PPP1R3E: variants seen among roughly 807,000 people sequenced by gnomAD.
The protein encoded by PPP1R3E is protein phosphatase 1 regulatory subunit 3E.
Under a neutral mutation model 18.5 loss-of-function variants are expected in PPP1R3E, and 20 were observed. The observed-to-expected ratio is 1.08, with a 90% confidence interval of 0.76 to 1.58. The LOEUF (loss-of-function observed/expected upper bound fraction) is 1.58. Among genes scored for constraint, PPP1R3E ranks in the 40% most tolerant of loss-of-function variants. The pLI, the probability that PPP1R3E is intolerant of heterozygous loss-of-function variation, is 0.00. For missense variants in PPP1R3E, 498 were observed against 460.2 expected (o/e 1.08, Z -0.75); for synonymous variants, 208 against 208.1 (o/e 1.00, Z 0.00).
rs1056973589 is a variant in PPP1R3E, at chr14:23,302,175, G to A, written c.402C>T (p.Arg134=). The part of the protein sequence containing the change: ...ALRHFAPCQP[R]ARGLQEARAA... ...CGCCGCCTACCTGGAGGCCGCGGGC[G>A]CGGGGCTGGCAGGGCGCGAAGTGGC... The change falls in exon 1 of 5, where the codon CGC becomes CGT. Residue 134 remains arginine (R), a synonymous_variant. Transcript: ENST00000452015. 10 of 1,415,168 alleles carry A rather than the reference G, an allele frequency of 7.1e-6. No individual in the cohort carries two copies. Among genetic ancestry groups the A allele is most frequent in the African/African-American group, 1.5e-5 (1 of 66,318 alleles). The allele number at this position is 1,415,168 out of a possible 1,614,324, so 87.7% of individuals were successfully genotyped here. A position where few individuals can be genotyped will look rare whatever the true frequency, so the allele number is the denominator to read the frequency against.
Position 23,298,573 on chromosome 14 carries a change from T to TGC in PPP1R3E, c.*729_*730dup, listed in dbSNP as rs987998101. The TGC allele has an allele frequency of 1.3e-5, 2 of 154,318 alleles. No homozygotes were observed. Among genetic ancestry groups the TGC allele is most frequent in the African/African-American group, 4.8e-5 (2 of 41,490 alleles). 9.6% of individuals were successfully genotyped at this position (154,318 alleles called of 1,614,324 possible). A position where few individuals can be genotyped will look rare whatever the true frequency, so the allele number is the denominator to read the frequency against. ...CTGGAAAGGAAGAAAAACCCAGATT[T>TGC]GCGCACACAAGTGTTAAGTAAATGT... On this transcript the variant is annotated 3_prime_UTR_variant, in exon 5 of 5. Transcript: ENST00000452015.
Position 23,297,816 on chromosome 14 carries a change from G to A in PPP1R3E, c.*1488C>T. 1 of 152,246 alleles carries A rather than the reference G, an allele frequency of 6.6e-6. No homozygotes were observed. The highest frequency in any genetic ancestry group is 1.9e-4 in the East Asian group (1 of 5,196). 9.4% of individuals were successfully genotyped at this position (152,246 alleles called of 1,614,324 possible). A position where few individuals can be genotyped will look rare whatever the true frequency, so the allele number is the denominator to read the frequency against. ...GTTGTTCTATAAAGCTGAGATTGGG[G>A]AGAGTGAGCCAGGGTACTTCTGAGA... On this transcript the variant is annotated 3_prime_UTR_variant, in exon 5 of 5. Transcript: ENST00000452015.
chr14:23,297,985 A>T lies in PPP1R3E; in HGVS notation c.*1319T>A, dbSNP rs1172012634. On this transcript the variant is annotated 3_prime_UTR_variant, in exon 5 of 5. Transcript: ENST00000452015. ...ACGGACCCAACCTAGTGGCGACATT[A>T]GGGGGTTTGCCTGTTCAAGGCCAGT... 6.6e-6 allele frequency: 1 copy of T among 152,158 alleles called. No homozygotes were observed. Among genetic ancestry groups the T allele is most frequent in the Non-Finnish European group, 1.5e-5 (1 of 68,088 alleles). 9.4% of individuals were successfully genotyped at this position (152,158 alleles called of 1,614,324 possible).
rs1395951550 is a variant in PPP1R3E, at chr14:23,302,358, C to T, written c.219G>A (p.Gly73=). 6.7e-7 allele frequency: 1 copy of T among 1,499,030 alleles called. No homozygotes were observed. The highest frequency in any genetic ancestry group is 1.2e-5 in the South Asian group (1 of 80,008). The allele number at this position is 1,499,030 out of a possible 1,614,324, so 92.9% of individuals were successfully genotyped here. Residue 73 remains glycine, a synonymous_variant, in exon 1 of 5, where the codon GGG becomes GGA. Transcript: ENST00000452015. ...RARSAPAGGG[G]ARAPRSRSPD... ...GGCTACGGCTGCGGGGCGCCCGGGC[C>T]CCGCCGCCTCCGGCTGGTGCAGATC...
Position 23,301,740 on chromosome 14 carries a change from C to A in PPP1R3E, c.536G>T (p.Arg179Leu). 2.8e-6 allele frequency: 4 copies of A among 1,413,358 alleles called. No individual in the cohort carries two copies. The South Asian group carries it at 4.4e-5, about 15-fold the overall frequency. 87.6% of individuals were successfully genotyped at this position (1,413,358 alleles called of 1,614,324 possible). A position where few individuals can be genotyped will look rare whatever the true frequency, so the allele number is the denominator to read the frequency against. The change falls in exon 2 of 5, where the codon CGC becomes CTC. Residue 179 changes from arginine to leucine, a missense_variant. Coordinates refer to ENST00000452015, the MANE Select transcript of PPP1R3E (RefSeq NM_001276318.2). Reference protein sequence around the residue: ...AGPLGVAGSARVVDLAYEKRV... With the variant: ...AGPLGVAGSALVVDLAYEKRV... Reference sequence around the variant, plus strand: ...CTTCTCGTAGGCCAGGTCCACCACGCGCGCGCTCCCGGCCACGCCCAGCGG... The same window carrying A: ...CTTCTCGTAGGCCAGGTCCACCACGAGCGCGCTCCCGGCCACGCCCAGCGG...
rs924710711 is a variant in PPP1R3E, at chr14:23,301,698, C to T, written c.578G>A (p.Trp193Ter). Residue 193 changes from tryptophan (W) to a stop codon, truncating the protein, a stop_gained, in exon 2 of 5, where the codon TGG becomes TAG. Transcript: ENST00000452015. LOFTEE classifies it high-confidence loss of function. The stretch of plus-strand genomic sequence containing the variant: ...TTGGCTCCGCCAGCCGTCGGCGCTC[C>T]AGCGCACGCTCACGCGCTTCTCGTA... ...LAYEKRVSVR[W>*]SADGWRSQRE... 5.1e-6 allele frequency: 7 copies of T among 1,363,356 alleles called. No individual in the cohort carries two copies. The Admixed American group carries it at 1.3e-4, about 25-fold the overall frequency. The allele number at this position is 1,363,356 out of a possible 1,614,324, so 84.5% of individuals were successfully genotyped here.
rs1886917671 is a variant in PPP1R3E at position 23,297,789 on chromosome 14, ATGT to A, written c.*1512_*1514del. The A allele has an allele frequency of 6.6e-6, 1 of 152,202 alleles. No individual in the cohort carries two copies. Among genetic ancestry groups the A allele is most frequent in the African/African-American group, 2.4e-5 (1 of 41,442 alleles). The allele number at this position is 152,202 out of a possible 1,614,324, so 9.4% of individuals were successfully genotyped here. ...TGATATGGGAATAATCAAGACCAAA[ATGT>A]TGTTCTATAAAGCTGAGATTGGGGA... On this transcript the variant is annotated 3_prime_UTR_variant, in exon 5 of 5. Transcript: ENST00000452015.
At chr14:23,302,062 G>T in intron 1 of PPP1R3E, 98 bp downstream of exon 1, 1 of 1,309,512 alleles carries the variant, frequency 7.6e-7, no homozygotes, top group Non-Finnish European at 9.9e-7. Context: ...GCCCAGGGAT[G>T]GGATGGAGAT....
At position 23,302,343 on chromosome 14, in the gene PPP1R3E, G is replaced by C; in HGVS notation, c.234C>G (p.Arg78=). The C allele has an allele frequency of 2.0e-6, 3 of 1,502,790 alleles. No individual in the cohort carries two copies. The highest frequency in any genetic ancestry group is 2.6e-6 in the Non-Finnish European group (3 of 1,135,554). 93.1% of individuals were successfully genotyped at this position (1,502,790 alleles called of 1,614,324 possible). A position where few individuals can be genotyped will look rare whatever the true frequency, so the allele number is the denominator to read the frequency against. ...TCTTGCGGGTGTCTGGGCTACGGCT[G>C]CGGGGCGCCCGGGCCCCGCCGCCTC... ...PAGGGGARAP[R]SRSPDTRKRV... The change falls in exon 1 of 5, where the codon CGC becomes CGG. Residue 78 remains arginine, a synonymous_variant. Coordinates refer to ENST00000452015, the MANE Select transcript of PPP1R3E (RefSeq NM_001276318.2).
Position 23,298,325 on chromosome 14 carries a change from AG to A in PPP1R3E, c.*978del, listed in dbSNP as rs949060173. Reference sequence around the variant, plus strand: ...AAGGTTTTAAATTTTGTTTTTAAAGAGGAAAAAAAATATAACATCATGGTTA... The same window carrying A: ...AAGGTTTTAAATTTTGTTTTTAAAGAGAAAAAAAATATAACATCATGGTTA... On this transcript the variant is annotated 3_prime_UTR_variant, in exon 5 of 5. Transcript: ENST00000452015. 6.6e-6 allele frequency: 1 copy of A among 152,220 alleles called. No individual in the cohort carries two copies. The highest frequency in any genetic ancestry group is 2.4e-5 in the African/African-American group (1 of 41,424). 9.4% of individuals were successfully genotyped at this position (152,220 alleles called of 1,614,324 possible).
Position 23,301,776 on chromosome 14 carries a change from G to A in PPP1R3E, c.500C>T (p.Ala167Val). The A allele has an allele frequency of 6.9e-7, 1 of 1,442,092 alleles. No individual in the cohort carries two copies. Among genetic ancestry groups the A allele is most frequent in the Non-Finnish European group, 9.1e-7 (1 of 1,102,788 alleles). The allele number at this position is 1,442,092 out of a possible 1,614,324, so 89.3% of individuals were successfully genotyped here. ...LLTQRICLER[A>V]EAGPLGVAGS... ...GGCCACGCCCAGCGGGCCCGCCTCG[G>A]CGCGTTCCAGGCAGATGCGCTGCGT... Residue 167 changes from alanine (A) to valine (V), a missense_variant, in exon 2 of 5, where the codon GCC becomes GTC. Transcript: ENST00000452015.
rs1463704776 is a variant in PPP1R3E, at chr14:23,301,685, G to A, written c.591C>T (p.Gly197=). 2.2e-6 allele frequency: 3 copies of A among 1,334,328 alleles called. No individual in the cohort carries two copies. The highest frequency in any genetic ancestry group is 1.5e-5 in the African/African-American group (1 of 65,052). The allele number at this position is 1,334,328 out of a possible 1,614,324, so 82.7% of individuals were successfully genotyped here. A position where few individuals can be genotyped will look rare whatever the true frequency, so the allele number is the denominator to read the frequency against. Residue 197 remains glycine, a synonymous_variant, in exon 2 of 5, where the codon GGC becomes GGT. Transcript: ENST00000452015. ...KRVSVRWSAD[G]WRSQREAPAA... is the part of the protein sequence containing the mutation. ...CTGGCGCCTCGCGTTGGCTCCGCCA[G>A]CCGTCGGCGCTCCAGCGCACGCTCA...
At chr14:23,299,706 G>C (rs1886971420) in intron 3 of PPP1R3E, 165 bp from the exon 4 acceptor site, 1 of 151,892 alleles carries the variant, frequency 6.6e-6, no homozygotes, top group Non-Finnish European at 1.5e-5. Flanking sequence ...AAAGAGAGAA[G>C]CAAAGAGGTT....
At chr14:23,301,990 G>C (rs569176208) in intron 1 of PPP1R3E, 132 bp from the exon 2 acceptor site, 2 of 1,253,544 alleles carry the variant, frequency 1.6e-6, no homozygotes, top group Admixed American at 3.8e-5. Context: ...GTGCGGCCCA[G>C]CTGCCAGGGT....
intron 1 of PPP1R3E, 88 bp from the exon 2 acceptor site, chr14:23,301,946 A>C: frequency 7.6e-7 from 1 of 1,322,848 alleles, no homozygotes; most frequent in Non-Finnish European, 9.7e-7. Flanking sequence ...CACTGGACCA[A>C]TCAGAGGCCG....
Position 23,302,159 on chromosome 14 carries a change from C to T in PPP1R3E, c.417+1G>A. ...GGAGGGGAGGTGCCCCCGCCGCCTA[C>T]CTGGAGGCCGCGGGCGCGGGGCTGG... On this transcript the variant is annotated splice_donor_variant, in intron 1 of 4. Coordinates refer to ENST00000452015, the MANE Select transcript of PPP1R3E (RefSeq NM_001276318.2). LOFTEE classifies it high-confidence loss of function. The T allele has an allele frequency of 1.4e-6, 2 of 1,410,768 alleles. No homozygotes were observed. 87.4% of individuals were successfully genotyped at this position (1,410,768 alleles called of 1,614,324 possible).
At position 23,297,659 on chromosome 14, in the gene PPP1R3E, G is replaced by C. The variant is rs1566457032; in HGVS notation, c.*1645C>G. 6.6e-6 allele frequency: 1 copy of C among 152,186 alleles called. No homozygotes were observed. The highest frequency in any genetic ancestry group is 1.5e-5 in the Non-Finnish European group (1 of 68,050). 9.4% of individuals were successfully genotyped at this position (152,186 alleles called of 1,614,324 possible). On this transcript the variant is annotated 3_prime_UTR_variant, in exon 5 of 5. Coordinates refer to ENST00000452015, the MANE Select transcript of PPP1R3E (RefSeq NM_001276318.2). ...GGTAGCACTGATAGTTTTGTGTCAG[G>C]TTCCAAGGAGACACCCACTATTTGT...
At chr14:23,299,927 G>T (rs112839731) in intron 3 of PPP1R3E, among the ~76,000 whole-genome samples, 3,321 of 100,592 alleles carry the variant, frequency 0.033, 67 homozygotes, top group Middle Eastern at 0.13. Flanking sequence ...TTTTGTTTTT[G>T]TTTTTTTTTT....
chr14:23,297,134 A>G lies in PPP1R3E; in HGVS notation c.*2170T>C, dbSNP rs752591702. 5.9e-5 allele frequency: 9 copies of G among 152,236 alleles called. No individual in the cohort carries two copies. The highest frequency in any genetic ancestry group is 1.2e-4 in the Non-Finnish European group (8 of 68,074). The allele number at this position is 152,236 out of a possible 1,614,324, so 9.4% of individuals were successfully genotyped here. A position where few individuals can be genotyped will look rare whatever the true frequency, so the allele number is the denominator to read the frequency against. ...TCTCTCACGGCACTTCCCAGTCCACAGCTGACATGTTATATTCCAAATTGC... is the reference window on the plus strand; with the variant it reads ...TCTCTCACGGCACTTCCCAGTCCACGGCTGACATGTTATATTCCAAATTGC... On this transcript the variant is annotated 3_prime_UTR_variant, in exon 5 of 5. Transcript: ENST00000452015.
Sources: allele counts gnomAD v4.1 joint callset (sites outside exome capture counted in the v4.1 genomes callset), GRCh38; gene constraint gnomAD v4.1.1; transcripts MANE v1.5; gene names NCBI Gene and HGNC (gene_info 2026-07-23, HGNC 2026-07-21).